DOCK7: variants seen among roughly 807,000 people sequenced by gnomAD.
DOCK7 encodes dedicator of cytokinesis 7, also known as dedicator of cytokinesis protein 7.
In DOCK7, 138 loss-of-function variants were observed where a neutral mutation model predicts 271.0. The observed-to-expected ratio is 0.51, with a 90% CI of 0.44 to 0.59. DOCK7 has a LOEUF of 0.59. Among genes scored for constraint, DOCK7 ranks in the 20% least tolerant of loss-of-function variants. The probability of loss-of-function intolerance (pLI) is 0.00; values close to 1 mark genes in which losing one functional copy is unlikely to be tolerated. For missense variants in DOCK7, 2,066 were observed against 2,592.4 expected (o/e 0.80, Z 4.41); for synonymous variants, 823 against 876.1 (o/e 0.94, Z 1.07).
chr1:62,688,151 C>G, intron 1 of DOCK7, 76 bp downstream of exon 1: 10 of 1,248,724 alleles, frequency 8.0e-6, no homozygotes, highest in Non-Finnish European at 9.1e-6. Context: ...CCACCCGCCT[C>G]CTAGGCCAGG....
chr1:62,484,408 G>C (rs1646232145), intron 43 of DOCK7: 1 of 152,120 alleles, frequency 6.6e-6, no homozygotes. Context: ...ACTGGGGATT[G>C]ATTTTTCTGA....
intron 31 of DOCK7, among the ~76,000 whole-genome samples, 185 bp downstream of exon 31, chr1:62,527,966 G>A (rs1443758529): frequency 6.6e-6 from 1 of 151,796 alleles, no homozygotes; most frequent in East Asian, 1.9e-4. Flanking sequence ...CATAAACCTT[G>A]AGGTAATCAT....
chr1:62,684,548 T>G (rs969261225), intron 1 of DOCK7, among the ~76,000 whole-genome samples: 2 of 152,234 alleles, frequency 1.3e-5, no homozygotes, highest in Non-Finnish European at 2.9e-5. Flanking sequence ...TATTCTTTAG[T>G]ACATTTTCTG....
At chr1:62,570,829 G>A (rs1401088479) in intron 18 of DOCK7, among the ~76,000 whole-genome samples, 5 of 152,108 alleles carry the variant, frequency 3.3e-5, no homozygotes, top group African/African-American at 1.2e-4. Flanking sequence ...TTAATAAATG[G>A]TGCTGTGAGA....
At chr1:62,528,339 C>T (rs1178593485) in intron 30 of DOCK7, 34 bp from the exon 31 acceptor site, 2 of 1,561,296 alleles carry the variant, frequency 1.3e-6, no homozygotes, top group South Asian at 1.2e-5. Flanking sequence ...ATAAATAAAA[C>T]TGTTTAGCTG....
chr1:62,663,117 C>T lies in DOCK7; in HGVS notation c.52G>A (p.Glu18Lys), dbSNP rs375898065. ...AQKISRTVAA[E>K]VRKQISGQYS... ...TGTCCGGAGATCTGCTTCCTAACTT[C>T]GGCTGCCACCGTTCTACAATGAAGA... Residue 18 changes from glutamate (E) to lysine (K), a missense_variant, in exon 2 of 50, where the codon GAA (glutamate) becomes AAA (lysine). Glu to Lys is a moderately conservative substitution (Grantham distance 56). Around this residue, in one of 2 missense-constraint regions of DOCK7, gnomAD observed 1,414 missense variants for 1,670.4 expected, o/e 0.85. Transcript: ENST00000635253. 11 of 1,611,744 alleles carry T rather than the reference C, an allele frequency of 6.8e-6. No homozygotes were observed. The highest frequency in any genetic ancestry group is 8.5e-6 in the Non-Finnish European group (10 of 1,179,066).
intron 44 of DOCK7, 27 bp downstream of exon 44, chr1:62,477,673 C>T (rs1646006202): frequency 6.4e-7 from 1 of 1,557,948 alleles, no homozygotes; most frequent in South Asian, 1.2e-5. Context: ...CTAAAGATGA[C>T]ATTTTATGAA....
chr1:62,575,301 C>T (rs1268378260), intron 18 of DOCK7, among the ~76,000 whole-genome samples: 1 of 152,170 alleles, frequency 6.6e-6, no homozygotes, highest in East Asian at 1.9e-4. Context: ...CCTCTTCTGC[C>T]TCTGCTACCT....
chr1:62,662,938 C>A, intron 2 of DOCK7, 87 bp downstream of exon 2: 3 of 1,014,588 alleles, frequency 3.0e-6, no homozygotes, highest in African/African-American at 1.6e-5. Context: ...ATGACGGAAC[C>A]CAATTAGCTC....
intron 1 of DOCK7, among the ~76,000 whole-genome samples, chr1:62,687,959 G>T (rs1031163192): frequency 6.6e-6 from 1 of 152,212 alleles, no homozygotes; most frequent in African/African-American, 2.4e-5. Context: ...AGGAGCAGGA[G>T]GAGGCGGGCG....
At chr1:62,560,633 C>A (rs906191220) in intron 19 of DOCK7, among the ~76,000 whole-genome samples, 20 of 152,088 alleles carry the variant, frequency 1.3e-4, no homozygotes, top group African/African-American at 4.3e-4. Context: ...ATTTCCTACA[C>A]ACTTTAAACT....
intron 41 of DOCK7, among the ~76,000 whole-genome samples, chr1:62,490,152 C>T (rs760203936): frequency 2.0e-4 from 30 of 150,570 alleles, no homozygotes; most frequent in Non-Finnish European, 3.5e-4. Context: ...CTCACTACAG[C>T]CTTGAACTCC....
In DOCK7 at chr1:62,539,908, A is replaced by C. The variant is rs767831092; in HGVS notation, c.3046-16T>G. 5 of 1,525,620 alleles carry C rather than the reference A, an allele frequency of 3.3e-6. No homozygotes were observed. The highest frequency in any genetic ancestry group is 2.0e-5 in the Admixed American group (1 of 49,308). The allele number at this position is 1,525,620 out of a possible 1,614,324, so 94.5% of individuals were successfully genotyped here. A position where few individuals can be genotyped will look rare whatever the true frequency, so the allele number is the denominator to read the frequency against. ...TGCTCTTTACCTGAAAAAAAGATAT[A>C]AATTATTAATTTCCTATGAATATAT... On this transcript the variant is annotated splice_polypyrimidine_tract_variant and intron_variant, in intron 25 of 49. Transcript: ENST00000635253.
At chr1:62,679,446 C>T (rs570920678) in intron 1 of DOCK7, among the ~76,000 whole-genome samples, 1 of 152,056 alleles carries the variant, frequency 6.6e-6, no homozygotes, top group South Asian at 2.1e-4. Flanking sequence ...TCCTAAAAAA[C>T]CCAAAGGGAA....
intron 4 of DOCK7, among the ~76,000 whole-genome samples, chr1:62,651,519 GA>G (rs529180862): frequency 1.6e-3 from 188 of 120,816 alleles, no homozygotes; most frequent in Middle Eastern, 4.5e-3. Flanking sequence ...GGGGGAGCCC[GA>G]AAAAAAAAAA....
At chr1:62,570,905 TCAA>T (rs1474265198) in intron 18 of DOCK7, among the ~76,000 whole-genome samples, 2 of 152,128 alleles carry the variant, frequency 1.3e-5, no homozygotes, top group Non-Finnish European at 2.9e-5. Context: ...AAAAATTAAC[TCAA>T]GACGATTAAA....
chr1:62,497,247 G>A (rs1435736340), intron 37 of DOCK7, among the ~76,000 whole-genome samples: 1 of 151,762 alleles, frequency 6.6e-6, no homozygotes, highest in Non-Finnish European at 1.5e-5. Flanking sequence ...CTAAATACCA[G>A]TATTCCCAAA....
chr1:62,633,966 A>T (rs1182970781), intron 9 of DOCK7: 1 of 156,566 alleles, frequency 6.4e-6, no homozygotes, highest in Non-Finnish European at 1.4e-5. Flanking sequence ...AAGCATCTGA[A>T]TTGGAAAGGA....
intron 7 of DOCK7, among the ~76,000 whole-genome samples, chr1:62,643,817 T>C (rs1293970270): frequency 6.6e-6 from 1 of 152,104 alleles, no homozygotes; most frequent in Non-Finnish European, 1.5e-5. Context: ...TGTATAAATT[T>C]GTTCAGTTTT....
Sources: gnomAD v4.1 joint callset for allele counts (sites outside exome capture counted in the v4.1 genomes callset) on GRCh38, gnomAD v4.1.1 for gene constraint, gnomAD v4.1.1 regional missense constraint, MANE v1.5 for transcripts, NCBI Gene and HGNC (gene_info 2026-07-23, HGNC 2026-07-21) for gene names.